The following EPN1 variants were observed in gnomAD, a reference collection of about 807,000 sequenced individuals.
The protein encoded by EPN1 is epsin 1, also known as epsin-1.
EPN1 carries 25 observed loss-of-function variants against 56.9 expected under a neutral mutation model. The observed-to-expected ratio is 0.44, with a 90% confidence interval of 0.32 to 0.61. The LOEUF (loss-of-function observed/expected upper bound fraction) is 0.61, where lower values mean the gene tolerates loss of function less well. EPN1 is among the 20% of genes least tolerant of loss of function. EPN1 has a pLI of 0.05. For synonymous variants in EPN1, 411 were observed against 361.8 expected (o/e 1.14, Z -1.54); for missense variants, 785 against 823.7 (o/e 0.95, Z 0.58).
At position 55,700,041 on chromosome 19, in the gene EPN1, C is replaced by G. The variant is rs541610581; in HGVS notation, c.*4685C>G. The stretch of plus-strand genomic sequence containing the variant: ...GTTCACGCCATTCTCCTGCCTCAGC[C>G]TCCCAAGTAGCTGGGACTACAGATG... On this transcript the variant is annotated 3_prime_UTR_variant, in exon 11 of 11. Coordinates refer to ENST00000270460, the MANE Select transcript of EPN1 (RefSeq NM_001130072.2). 2 of 151,326 alleles carry G rather than the reference C, an allele frequency of 1.3e-5. No homozygotes were observed. The highest frequency in any genetic ancestry group is 2.9e-5 in the Non-Finnish European group (2 of 67,898). The allele number at this position is 151,326 out of a possible 1,614,324, so 9.4% of individuals were successfully genotyped here.
rs558214323 is a variant in EPN1, at chr19:55,703,217, C to A, written c.*7861C>A. The A allele has an allele frequency of 6.6e-6, 1 of 152,402 alleles. No individual in the cohort carries two copies. Among genetic ancestry groups the A allele is most frequent in the Non-Finnish European group, 1.5e-5 (1 of 68,268 alleles). 9.4% of individuals were successfully genotyped at this position (152,402 alleles called of 1,614,324 possible). A position where few individuals can be genotyped will look rare whatever the true frequency, so the allele number is the denominator to read the frequency against. Reference sequence around the variant, plus strand: ...TGTGTGTGGCCACGTGTGTTTCTGTCCTGGACAACACTGTCCGGAGGGGCC... The same window carrying A: ...TGTGTGTGGCCACGTGTGTTTCTGTACTGGACAACACTGTCCGGAGGGGCC... On this transcript the variant is annotated 3_prime_UTR_variant, in exon 11 of 11. Coordinates refer to ENST00000270460, the MANE Select transcript of EPN1 (RefSeq NM_001130072.2).
At position 55,689,455 on chromosome 19, in the gene EPN1, C is replaced by CAGG; in HGVS notation, c.678+85_678+86insGGA. The CAGG allele has an allele frequency of 9.4e-7, 1 of 1,064,114 alleles. No individual in the cohort carries two copies. The highest frequency in any genetic ancestry group is 1.4e-6 in the Non-Finnish European group (1 of 709,862). 65.9% of individuals were successfully genotyped at this position (1,064,114 alleles called of 1,614,324 possible). A position where few individuals can be genotyped will look rare whatever the true frequency, so the allele number is the denominator to read the frequency against. ...CGCCCCTTCCTAAGTCACCCCCCAC[C>CAGG]ATCCTGCTGGGCCCGAAGCCCACAG... On this transcript the variant is annotated intron_variant, in intron 5 of 10. Coordinates refer to ENST00000270460, the MANE Select transcript of EPN1 (RefSeq NM_001130072.2). The surrounding 1 kb of genome is among the most constrained non-coding windows in gnomAD (Gnocchi z 5.7).
At position 55,701,544 on chromosome 19, in the gene EPN1, C is replaced by T. The variant is rs1248992039; in HGVS notation, c.*6188C>T. On this transcript the variant is annotated 3_prime_UTR_variant, in exon 11 of 11. Coordinates refer to ENST00000270460, the MANE Select transcript of EPN1 (RefSeq NM_001130072.2). ...GAACAAGGACCTTGTGTCTCCTCTC[C>T]CCTTTCCCGGACTATTCTGACCCCA... 6.6e-6 allele frequency: 1 copy of T among 152,118 alleles called. No individual in the cohort carries two copies. The highest frequency in any genetic ancestry group is 2.4e-5 in the African/African-American group (1 of 41,396). The allele number at this position is 152,118 out of a possible 1,614,324, so 9.4% of individuals were successfully genotyped here.
intron 6 of EPN1, among the ~76,000 whole-genome samples, chr19:55,690,873 G>T (rs1363919768): frequency 6.6e-6 from 1 of 152,164 alleles, no homozygotes; most frequent in African/African-American, 2.4e-5. Context: ...TCGGCCAGGG[G>T]GTCTCTATCA....
rs770826768 is a variant in EPN1 at position 55,694,678 on chromosome 19, C to T, written c.1265-48C>T. The T allele has an allele frequency of 4.0e-6, 6 of 1,513,022 alleles. No homozygotes were observed. The highest frequency in any genetic ancestry group is 5.3e-6 in the Non-Finnish European group (6 of 1,132,978). The allele number at this position is 1,513,022 out of a possible 1,614,324, so 93.7% of individuals were successfully genotyped here. On this transcript the variant is annotated intron_variant, in intron 9 of 10. Coordinates refer to ENST00000270460, the MANE Select transcript of EPN1 (RefSeq NM_001130072.2). This position sits in a 1 kb window ranked among gnomAD's most constrained non-coding sequence, Gnocchi z 4.2. ...GGCCTATACTGCTCCCGGGTTGGAG[C>T]CTCACTGCTGTCTGCCCTGTCTGAG...
Position 55,691,676 on chromosome 19 carries a change from G to A in EPN1, c.763-78G>A, listed in dbSNP as rs1037938938. ...CACCCAGGGCCTGGCCGCCTCCCCC[G>A]CCACGGGCCCCAGCTTGGTCCCTGT... On this transcript the variant is annotated intron_variant, in intron 6 of 10. Transcript: ENST00000270460. The surrounding 1 kb of genome is among the most constrained non-coding windows in gnomAD (Gnocchi z 5.6). 7.2e-6 allele frequency: 10 copies of A among 1,393,170 alleles called. No individual in the cohort carries two copies. In the African/African-American group the frequency reaches 7.2e-5, roughly 10 times the overall value. The allele number at this position is 1,393,170 out of a possible 1,614,324, so 86.3% of individuals were successfully genotyped here.
chr19:55,707,845 A>T lies in EPN1; in HGVS notation c.*12489A>T. ...AAACCCTTGTCCAGTCTTGAGTGTA[A>T]ACTCGTGTTTACAGGTCTTAAAGTC... is the stretch of plus-strand genomic sequence containing the variant. On this transcript the variant is annotated 3_prime_UTR_variant, in exon 11 of 11. Transcript: ENST00000270460. The T allele has an allele frequency of 6.5e-6, 1 of 154,510 alleles. No homozygotes were observed. 9.6% of individuals were successfully genotyped at this position (154,510 alleles called of 1,614,324 possible). A position where few individuals can be genotyped will look rare whatever the true frequency, so the allele number is the denominator to read the frequency against.
chr19:55,697,947 C>T lies in EPN1; in HGVS notation c.*2591C>T, dbSNP rs563120279. ...AAATGGCCGTGAGGAAGACTTTATT[C>T]AGGACCATCGAGACAGGTACAGGTA... On this transcript the variant is annotated 3_prime_UTR_variant, in exon 11 of 11. Transcript: ENST00000270460. The T allele has an allele frequency of 2.6e-5, 4 of 152,090 alleles. No individual in the cohort carries two copies. Among genetic ancestry groups the T allele is most frequent in the Admixed American group, 1.3e-4 (2 of 15,272 alleles). The allele number at this position is 152,090 out of a possible 1,614,324, so 9.4% of individuals were successfully genotyped here.
intron 3 of EPN1, 116 bp downstream of exon 3, chr19:55,685,761 C>A (rs1986130240): frequency 3.7e-6 from 5 of 1,350,356 alleles, no homozygotes; most frequent in East Asian, 2.5e-5. Flanking sequence ...GCGGCATCCC[C>A]CTTTGCTTCT....
At chr19:55,690,677 G>T (rs2122206265) in intron 6 of EPN1, among the ~76,000 whole-genome samples, 1 of 152,336 alleles carries the variant, frequency 6.6e-6, no homozygotes, top group South Asian at 2.1e-4. Context: ...AGCTCGTCGG[G>T]CTGGGTTGGA....
At position 55,705,827 on chromosome 19, in the gene EPN1, A is replaced by ATATATATATATATATATATATATATATT. The variant is rs1568587466; in HGVS notation, c.*10472_*10473insATATATATATATATATATATATATATTT. 4.2e-5 allele frequency: 5 copies of ATATATATATATATATATATATATATATT among 118,274 alleles called. No homozygotes were observed. Among genetic ancestry groups the ATATATATATATATATATATATATATATT allele is most frequent in the African/African-American group, 2.0e-4 (5 of 25,422 alleles). 7.3% of individuals were successfully genotyped at this position (118,274 alleles called of 1,614,324 possible). A position where few individuals can be genotyped will look rare whatever the true frequency, so the allele number is the denominator to read the frequency against. ...TTGTGGGATATATATATATATATAT[A>ATATATATATATATATATATATATATATT]TTTAGAGTGTTGTGGGATATATATA... is the stretch of plus-strand genomic sequence containing the variant. On this transcript the variant is annotated 3_prime_UTR_variant, in exon 11 of 11. Transcript: ENST00000270460.
intron 3 of EPN1, among the ~76,000 whole-genome samples, chr19:55,687,069 GA>G (rs1242726846): frequency 3.1e-4 from 47 of 152,306 alleles, no homozygotes. Flanking sequence ...TCCGAAATTT[GA>G]ATTTTATGTA....
In EPN1 at chr19:55,694,462, C is replaced by T. The variant is rs577887714; in HGVS notation, c.1265-264C>T. On this transcript the variant is annotated intron_variant, in intron 9 of 10. Coordinates refer to ENST00000270460, the MANE Select transcript of EPN1 (RefSeq NM_001130072.2). The surrounding 1 kb of genome is among the most constrained non-coding windows in gnomAD (Gnocchi z 4.2). ...GCCCCACCCTGAAGCAGTTGCTGCCCTCTGGTTGTCAGAGGGTGACACCTG... is the reference window on the plus strand; with the variant it reads ...GCCCCACCCTGAAGCAGTTGCTGCCTTCTGGTTGTCAGAGGGTGACACCTG... The T allele has an allele frequency of 3.6e-5, 15 of 415,848 alleles. No homozygotes were observed. In the East Asian group the frequency reaches 5.5e-4, roughly 15 times the overall value. The allele number at this position is 415,848 out of a possible 1,614,324, so 25.8% of individuals were successfully genotyped here. A position where few individuals can be genotyped will look rare whatever the true frequency, so the allele number is the denominator to read the frequency against.
At position 55,686,847 on chromosome 19, in the gene EPN1, G is replaced by A. The variant is rs544935404; in HGVS notation, c.478+1202G>A. ...GGTGGCGGGGTTGGGGTGGACGGAGGAGGGACATTGGCAGTAGCTCGGAGG... is the reference window on the plus strand; with the variant it reads ...GGTGGCGGGGTTGGGGTGGACGGAGAAGGGACATTGGCAGTAGCTCGGAGG... On this transcript the variant is annotated intron_variant, in intron 3 of 10. Coordinates refer to ENST00000270460, the MANE Select transcript of EPN1 (RefSeq NM_001130072.2). Among the ~76,000 whole-genome samples, 8 of 152,092 alleles carry A rather than the reference G, an allele frequency of 5.3e-5. No individual in the cohort carries two copies. In the South Asian group the frequency reaches 1.7e-3, roughly 32 times the overall value.
In EPN1 at chr19:55,694,825, C is replaced by T. The variant is rs1986814102; in HGVS notation, c.1364C>T (p.Pro455Leu). 1.2e-6 allele frequency: 2 copies of T among 1,609,704 alleles called. No individual in the cohort carries two copies. The highest frequency in any genetic ancestry group is 2.2e-5 in the East Asian group (1 of 44,846). The change falls in exon 10 of 11, where the codon CCC (proline) becomes CTC (leucine). Residue 455 changes from proline to leucine, a missense_variant. Coordinates refer to ENST00000270460, the MANE Select transcript of EPN1 (RefSeq NM_001130072.2). This position sits in a 1 kb window ranked among gnomAD's most constrained non-coding sequence, Gnocchi z 4.2. ...TCTCTGGCTGAGGCTGTGGGCAGCC[C>T]CCCACCTGCAGCCACACCAACTCCC... ...RGSLAEAVGS[P>L]PPAATPTPTP...
At chr19:55,686,291 CTG>C (rs1491285044) in intron 3 of EPN1, among the ~76,000 whole-genome samples, 4 of 144,598 alleles carry the variant, frequency 2.8e-5, no homozygotes, top group Admixed American at 6.8e-5. Flanking sequence ...GAAGTGTGGT[CTG>C]TGTTGGTCGG....
chr19:55,686,268 C>A (rs955221413), intron 3 of EPN1, among the ~76,000 whole-genome samples: 3 of 152,126 alleles, frequency 2.0e-5, no homozygotes, highest in Non-Finnish European at 4.4e-5. Flanking sequence ...GTGTGGGTCT[C>A]GGACTGTTCC....
At position 55,704,453 on chromosome 19, in the gene EPN1, G is replaced by T. The variant is rs867775435; in HGVS notation, c.*9097G>T. 1 of 152,232 alleles carries T rather than the reference G, an allele frequency of 6.6e-6. No individual in the cohort carries two copies. The highest frequency in any genetic ancestry group is 1.5e-5 in the Non-Finnish European group (1 of 68,066). The allele number at this position is 152,232 out of a possible 1,614,324, so 9.4% of individuals were successfully genotyped here. On this transcript the variant is annotated 3_prime_UTR_variant, in exon 11 of 11. Coordinates refer to ENST00000270460, the MANE Select transcript of EPN1 (RefSeq NM_001130072.2). The stretch of plus-strand genomic sequence containing the variant: ...TGGGGTTGCACCTTCATGTGAGGAC[G>T]CCGGGAGAAGACAGCCGTCTGGGAG...
intron 2 of EPN1, among the ~76,000 whole-genome samples, chr19:55,684,224 G>C (rs149407608): frequency 1.9e-3 from 288 of 152,284 alleles, no homozygotes; most frequent in African/African-American, 6.5e-3. Flanking sequence ...ATCTTTCCTG[G>C]CAGATTTCTC....
Sources: gnomAD v4.1 joint callset for allele counts (sites outside exome capture counted in the v4.1 genomes callset) on GRCh38, gnomAD v4.1.1 for gene constraint, Gnocchi (gnomAD v3.1) non-coding constraint, MANE v1.5 for transcripts, NCBI Gene and HGNC (gene_info 2026-07-23, HGNC 2026-07-21) for gene names.